The following TRIM72 variants were observed in gnomAD, a reference collection of about 807,000 sequenced individuals.
TRIM72 encodes the protein tripartite motif-containing protein 72.
TRIM72 carries 33 observed loss-of-function variants against 31.6 expected under a neutral mutation model. That is an observed-to-expected ratio of 1.04 (90% CI 0.79 to 1.40). The LOEUF is 1.40. TRIM72 is among the 40% of genes most tolerant of loss of function. The pLI, the probability that TRIM72 is intolerant of heterozygous loss-of-function variation, is 0.00. For synonymous variants in TRIM72, 301 were observed against 314.4 expected (o/e 0.96, Z 0.45); for missense variants, 666 against 682.7 (o/e 0.98, Z 0.27).
rs1372382784 is a variant in TRIM72 at position 31,227,411 on chromosome 16, C to G, written c.*2656C>G. Reference sequence around the variant, plus strand: ...TTGTTTGTTTTGTTTGAGACAGAGTCTCGCTCTGTCGCCCAGGCTGGAGTG... The same window carrying G: ...TTGTTTGTTTTGTTTGAGACAGAGTGTCGCTCTGTCGCCCAGGCTGGAGTG... On this transcript the variant is annotated 3_prime_UTR_variant, in exon 7 of 7. Transcript: ENST00000322122. 3 of 152,420 alleles carry G rather than the reference C, an allele frequency of 2.0e-5. No individual in the cohort carries two copies. The highest frequency in any genetic ancestry group is 2.9e-5 in the Non-Finnish European group (2 of 68,240). The allele number at this position is 152,420 out of a possible 1,614,324, so 9.4% of individuals were successfully genotyped here.
At chr16:31,220,824 T>C in intron 4 of TRIM72, 72 bp from the exon 5 acceptor site, 11 of 1,590,964 alleles carry the variant, frequency 6.9e-6, no homozygotes, top group Non-Finnish European at 9.5e-6. Flanking sequence ...CCTAGTTGTC[T>C]ACCCCATCCT....
Position 31,216,209 on chromosome 16 carries a change from TC to T in TRIM72, c.390+1084del. 1 of 152,518 alleles carries T rather than the reference TC, an allele frequency of 6.6e-6. No individual in the cohort carries two copies. The highest frequency in any genetic ancestry group is 1.5e-5 in the Non-Finnish European group (1 of 68,372). 9.4% of individuals were successfully genotyped at this position (152,518 alleles called of 1,614,324 possible). A position where few individuals can be genotyped will look rare whatever the true frequency, so the allele number is the denominator to read the frequency against. Reference sequence around the variant, plus strand: ...CGTTGGTATTCGAGGCCCCCAGACTTCCCAGGGACCCAGCCTCTCAGTCCTG... The same window carrying T: ...CGTTGGTATTCGAGGCCCCCAGACTTCCAGGGACCCAGCCTCTCAGTCCTG... On this transcript the variant is annotated intron_variant, in intron 2 of 6. Transcript: ENST00000322122. This position sits in a 1 kb window ranked among gnomAD's most constrained non-coding sequence, Gnocchi z 6.7.
chr16:31,224,519 C>G lies in TRIM72; in HGVS notation c.1198C>G (p.Pro400Ala). 1 of 1,507,396 alleles carries G rather than the reference C, an allele frequency of 6.6e-7. No individual in the cohort carries two copies. The highest frequency in any genetic ancestry group is 8.8e-7 in the Non-Finnish European group (1 of 1,133,672). 93.4% of individuals were successfully genotyped at this position (1,507,396 alleles called of 1,614,324 possible). The change falls in exon 7 of 7, where the codon CCG becomes GCG. Residue 400 changes from proline (P) to alanine (A), a missense_variant. By Grantham distance (27) the Pro-to-Ala change is conservative (BLOSUM62 -1). Coordinates refer to ENST00000322122, the MANE Select transcript of TRIM72 (RefSeq NM_001008274.4). ...ILEAHVEAKE[P>A]RALRSPERRP... Reference sequence around the variant, plus strand: ...GGAGGCACACGTGGAGGCCAAGGAGCCGCGCGCTCTGCGCAGCCCCGAGAG... The same window carrying G: ...GGAGGCACACGTGGAGGCCAAGGAGGCGCGCGCTCTGCGCAGCCCCGAGAG...
chr16:31,219,652 G>A lies in TRIM72; in HGVS notation c.717+133G>A. The A allele has an allele frequency of 1.3e-6, 1 of 788,844 alleles. No individual in the cohort carries two copies. The highest frequency in any genetic ancestry group is 1.6e-5 in the South Asian group (1 of 62,206). The allele number at this position is 788,844 out of a possible 1,614,324, so 48.9% of individuals were successfully genotyped here. A position where few individuals can be genotyped will look rare whatever the true frequency, so the allele number is the denominator to read the frequency against. On this transcript the variant is annotated intron_variant, in intron 4 of 6. Transcript: ENST00000322122. This position sits in a 1 kb window ranked among gnomAD's most constrained non-coding sequence, Gnocchi z 4.2. ...ACACAGCCGGGAGGGGCAGGCCTCA[G>A]GACTGCTATATGGTTGTTTAGGTTG...
chr16:31,220,857 C>T lies in TRIM72; in HGVS notation c.718-39C>T. 5 of 1,614,126 alleles carry T rather than the reference C, an allele frequency of 3.1e-6. No homozygotes were observed. In the South Asian group the frequency reaches 4.4e-5, roughly 14 times the overall value. On this transcript the variant is annotated intron_variant, in intron 4 of 6. Coordinates refer to ENST00000322122, the MANE Select transcript of TRIM72 (RefSeq NM_001008274.4). ...CCTCAAAAGTTTCCAGTGTCCCCAC[C>T]ATCGGCTTCACCACCATTCTCTTTT...
At position 31,214,750 on chromosome 16, in the gene TRIM72, G is replaced by A. The variant is rs1322439159; in HGVS notation, c.12G>A (p.Ala4=). 1.3e-6 allele frequency: 2 copies of A among 1,573,202 alleles called. No homozygotes were observed. Among genetic ancestry groups the A allele is most frequent in the Non-Finnish European group, 1.7e-6 (2 of 1,169,928 alleles). ...CACCCAGGCCCGCCATGTCGGCTGC[G>A]CCCGGCCTCCTGCACCAGGAGCTGT... MSA[A]PGLLHQELSC... is the part of the protein sequence containing the mutation. The change falls in exon 2 of 7, where the codon GCG becomes GCA. Residue 4 remains alanine (A), a synonymous_variant. Coordinates refer to ENST00000322122, the MANE Select transcript of TRIM72 (RefSeq NM_001008274.4).
chr16:31,216,832 G>T lies in TRIM72; in HGVS notation c.390+1704G>T. On this transcript the variant is annotated intron_variant, in intron 2 of 6. Transcript: ENST00000322122. The surrounding 1 kb of genome is among the most constrained non-coding windows in gnomAD (Gnocchi z 6.7). ...GCGCAGCACGGCCACGACGAGCTCGGCTGCGTAGTCCTCGTAGTAGGAGGC... is the reference window on the plus strand; with the variant it reads ...GCGCAGCACGGCCACGACGAGCTCGTCTGCGTAGTCCTCGTAGTAGGAGGC... 6.2e-7 allele frequency: 1 copy of T among 1,613,620 alleles called. No individual in the cohort carries two copies. The highest frequency in any genetic ancestry group is 8.5e-7 in the Non-Finnish European group (1 of 1,179,896).
In TRIM72 at chr16:31,224,295, C is replaced by A; in HGVS notation, c.974C>A (p.Pro325Gln). 6.2e-7 allele frequency: 1 copy of A among 1,601,952 alleles called. No homozygotes were observed. Among genetic ancestry groups the A allele is most frequent in the Non-Finnish European group, 8.5e-7 (1 of 1,177,660 alleles). ...EQKAPPAGED[P>Q]RQFDKAVAVV... ...AAGGCGCCGCCGGCCGGGGAGGACC[C>A]GCGCCAGTTCGACAAGGCGGTGGCG... is the stretch of plus-strand genomic sequence containing the variant. The change falls in exon 7 of 7, where the codon CCG (proline) becomes CAG (glutamine). Residue 325 changes from proline to glutamine, a missense_variant. Coordinates refer to ENST00000322122, the MANE Select transcript of TRIM72 (RefSeq NM_001008274.4).
At position 31,230,139 on chromosome 16, in the gene TRIM72, C is replaced by T. The variant is rs971179188; in HGVS notation, c.*5384C>T. The T allele has an allele frequency of 3.3e-5, 5 of 152,004 alleles. No individual in the cohort carries two copies. Among genetic ancestry groups the T allele is most frequent in the Non-Finnish European group, 7.4e-5 (5 of 67,988 alleles). 9.4% of individuals were successfully genotyped at this position (152,004 alleles called of 1,614,324 possible). A position where few individuals can be genotyped will look rare whatever the true frequency, so the allele number is the denominator to read the frequency against. On this transcript the variant is annotated 3_prime_UTR_variant, in exon 7 of 7. Transcript: ENST00000322122. ...AAAACTCAGTTGTATGTAAGAAAAC[C>T]CCATTCACCCTGAGGAAGAGAAAGA... is the stretch of plus-strand genomic sequence containing the variant.
chr16:31,216,428 AAAAAC>A lies in TRIM72; in HGVS notation c.390+1305_390+1309del. On this transcript the variant is annotated intron_variant, in intron 2 of 6. Transcript: ENST00000322122. The surrounding 1 kb of genome is among the most constrained non-coding windows in gnomAD (Gnocchi z 6.7). Reference sequence around the variant, plus strand: ...CAATAAATCTTGCTGCCGCTAAAAAAAAAACAAAAAACAAACAAACAAAAAAAACC... The same window carrying A: ...CAATAAATCTTGCTGCCGCTAAAAAAAAAAAACAAACAAACAAAAAAAACC... The A allele has an allele frequency of 3.0e-6, 1 of 332,538 alleles. No individual in the cohort carries two copies. Among genetic ancestry groups the A allele is most frequent in the Non-Finnish European group, 5.5e-6 (1 of 182,098 alleles). 20.6% of individuals were successfully genotyped at this position (332,538 alleles called of 1,614,324 possible).
In TRIM72 at chr16:31,214,755, G is replaced by C; in HGVS notation, c.17G>C (p.Gly6Ala). The change falls in exon 2 of 7, where the codon GGC (glycine) becomes GCC (alanine). Residue 6 changes from glycine to alanine, a missense_variant. By Grantham distance (60) the Gly-to-Ala change is moderately conservative (BLOSUM62 0). Coordinates refer to ENST00000322122, the MANE Select transcript of TRIM72 (RefSeq NM_001008274.4). MSAAPGLLHQELSCPL... is the reference protein window; with the variant it reads MSAAPALLHQELSCPL... ...AGGCCCGCCATGTCGGCTGCGCCCG[G>C]CCTCCTGCACCAGGAGCTGTCCTGC... The C allele has an allele frequency of 6.4e-7, 1 of 1,574,328 alleles. No homozygotes were observed. The highest frequency in any genetic ancestry group is 8.5e-7 in the Non-Finnish European group (1 of 1,170,402).
chr16:31,224,345 G>T lies in TRIM72; in HGVS notation c.1024G>T (p.Glu342Ter). The T allele has an allele frequency of 1.9e-6, 3 of 1,584,300 alleles. No homozygotes were observed. Among genetic ancestry groups the T allele is most frequent in the Non-Finnish European group, 2.6e-6 (3 of 1,168,784 alleles). Residue 342 changes from glutamate (E) to a stop codon, truncating the protein, a stop_gained, in exon 7 of 7, where the codon GAG (glutamate) becomes TAG (stop). Coordinates refer to ENST00000322122, the MANE Select transcript of TRIM72 (RefSeq NM_001008274.4). LOFTEE classifies it low-confidence loss of function (END_TRUNC). ...VAVVAHQQLS[E>*]GEHYWEVDVG... is the part of the protein sequence containing the mutation. ...GGTGGTGGCGCACCAGCAGCTCTCCGAGGGCGAGCACTACTGGGAGGTGGA... is the reference window on the plus strand; with the variant it reads ...GGTGGTGGCGCACCAGCAGCTCTCCTAGGGCGAGCACTACTGGGAGGTGGA...
Position 31,225,251 on chromosome 16 carries a change from T to G in TRIM72, c.*496T>G, listed in dbSNP as rs1294495203. The stretch of plus-strand genomic sequence containing the variant: ...GGGGACTGCTGGTGAGGGGTTGGAG[T>G]GACGCTGGGGACAAGACCCAGTGGG... On this transcript the variant is annotated 3_prime_UTR_variant, in exon 7 of 7. Coordinates refer to ENST00000322122, the MANE Select transcript of TRIM72 (RefSeq NM_001008274.4). The G allele has an allele frequency of 1.4e-5, 2 of 144,000 alleles. No individual in the cohort carries two copies. Among genetic ancestry groups the G allele is most frequent in the African/African-American group, 5.2e-5 (2 of 38,658 alleles). The allele number at this position is 144,000 out of a possible 1,614,324, so 8.9% of individuals were successfully genotyped here. A position where few individuals can be genotyped will look rare whatever the true frequency, so the allele number is the denominator to read the frequency against.
rs750705473 is a variant in TRIM72 at position 31,215,027 on chromosome 16, T to A, written c.289T>A (p.Cys97Ser). 53 of 1,508,752 alleles carry A rather than the reference T, an allele frequency of 3.5e-5. No individual in the cohort carries two copies. Among genetic ancestry groups the A allele is most frequent in the African/African-American group, 4.3e-5 (3 of 69,358 alleles). The allele number at this position is 1,508,752 out of a possible 1,614,324, so 93.5% of individuals were successfully genotyped here. A position where few individuals can be genotyped will look rare whatever the true frequency, so the allele number is the denominator to read the frequency against. Residue 97 changes from cysteine to serine, a missense_variant, in exon 2 of 7, where the codon TGC (cysteine) becomes AGC (serine). Transcript: ENST00000322122. The surrounding 1 kb of genome is among the most constrained non-coding windows in gnomAD (Gnocchi z 6.3). Reference sequence around the variant, plus strand: ...GCACCTGGACCCGCTGAGCATCTACTGCGAGCAGGACCGCGCGCTGGTGTG... The same window carrying A: ...GCACCTGGACCCGCTGAGCATCTACAGCGAGCAGGACCGCGCGCTGGTGTG... ...EEHLDPLSIYCEQDRALVCGV... is the reference protein window; with the variant it reads ...EEHLDPLSIYSEQDRALVCGV...
Position 31,216,741 on chromosome 16 carries a change from A to G in TRIM72, c.390+1613A>G. On this transcript the variant is annotated intron_variant, in intron 2 of 6. Transcript: ENST00000322122. The surrounding 1 kb of genome is among the most constrained non-coding windows in gnomAD (Gnocchi z 6.7). Reference sequence around the variant, plus strand: ...GCGGGGTTGGGTCCCGAGATCACGTACCAGCTCAGAGTGGCCCTCACGCAG... The same window carrying G: ...GCGGGGTTGGGTCCCGAGATCACGTGCCAGCTCAGAGTGGCCCTCACGCAG... The G allele has an allele frequency of 6.3e-7, 1 of 1,587,108 alleles. No individual in the cohort carries two copies. Among genetic ancestry groups the G allele is most frequent in the Middle Eastern group, 2.1e-4 (1 of 4,678 alleles).
chr16:31,222,388 A>G (rs2144197027), intron 5 of TRIM72, among the ~76,000 whole-genome samples: 1 of 148,322 alleles, frequency 6.7e-6, no homozygotes, highest in East Asian at 1.9e-4. Context: ...GCCAGACTCA[A>G]TCTCAAAAAA....
chr16:31,220,823 C>T, intron 4 of TRIM72, 73 bp from the exon 5 acceptor site: 1 of 1,588,314 alleles, frequency 6.3e-7, no homozygotes, highest in Non-Finnish European at 8.6e-7. Context: ...TCCTAGTTGT[C>T]TACCCCATCC....
At chr16:31,222,086 G>A (rs2144196732) in intron 5 of TRIM72, among the ~76,000 whole-genome samples, 1 of 152,272 alleles carries the variant, frequency 6.6e-6, no homozygotes, top group Non-Finnish European at 1.5e-5. Context: ...TATCCCAACA[G>A]AAGGATTAAA....
Position 31,224,205 on chromosome 16 carries a change from C to A in TRIM72, c.884C>A (p.Pro295Gln). 1 of 1,603,576 alleles carries A rather than the reference C, an allele frequency of 6.2e-7. No individual in the cohort carries two copies. The highest frequency in any genetic ancestry group is 8.5e-7 in the Non-Finnish European group (1 of 1,179,826). ...GCGCTGGAGGAGCTGACCTTTGACC[C>A]GAGCTCTGCGCACCCGAGCCTGGTG... Reference protein sequence around the residue: ...MPALEELTFDPSSAHPSLVVS... With the variant: ...MPALEELTFDQSSAHPSLVVS... The change falls in exon 7 of 7, where the codon CCG becomes CAG. Residue 295 changes from proline to glutamine, a missense_variant. Coordinates refer to ENST00000322122, the MANE Select transcript of TRIM72 (RefSeq NM_001008274.4).
Sources: gnomAD v4.1 joint callset for allele counts (sites outside exome capture counted in the v4.1 genomes callset) on GRCh38, gnomAD v4.1.1 for gene constraint, Gnocchi (gnomAD v3.1) non-coding constraint, MANE v1.5 for transcripts, NCBI Gene and HGNC (gene_info 2026-07-23, HGNC 2026-07-21) for gene names.